Variants in STRN observed in about 807,000 individuals in gnomAD.
The protein encoded by STRN is protein phosphatase 2 regulatory subunit B'''alpha.
Under a neutral mutation model 96.3 loss-of-function variants are expected in STRN, and 53 were observed. The ratio of observed to expected loss-of-function variants is 0.55; its 90% CI spans 0.44 to 0.69. STRN has a LOEUF of 0.69. STRN is among the 30% of genes least tolerant of loss of function. The pLI is 0.00. For missense variants in STRN, 987 were observed against 963.9 expected (o/e 1.02, Z -0.32); for synonymous variants, 428 against 355.9 (o/e 1.20, Z -2.28).
intron 4 of STRN, among the ~76,000 whole-genome samples, chr2:36,904,170 G>C (rs1334840909): frequency 6.6e-6 from 1 of 152,150 alleles, no homozygotes; most frequent in East Asian, 1.9e-4. Context: ...TCATATTTAA[G>C]ATCAAAGTGT....
rs575100624 is a variant in STRN, at chr2:36,847,732, G to A, written c.*1724C>T. On this transcript the variant is annotated 3_prime_UTR_variant, in exon 18 of 18. Coordinates refer to ENST00000263918, the MANE Select transcript of STRN (RefSeq NM_003162.4). ...AATGCAGAATTCTAGAGGCAAACAG[G>A]CAGAAATTTTACAGAAATATTTGTC... The A allele has an allele frequency of 2.0e-5, 3 of 152,184 alleles. No individual in the cohort carries two copies. Among genetic ancestry groups the A allele is most frequent in the African/African-American group, 4.8e-5 (2 of 41,526 alleles). The allele number at this position is 152,184 out of a possible 1,614,324, so 9.4% of individuals were successfully genotyped here.
At chr2:36,902,784 A>T in intron 4 of STRN, 33 bp from the exon 5 acceptor site, 1 of 1,532,186 alleles carries the variant, frequency 6.5e-7, no homozygotes, top group Non-Finnish European at 8.8e-7. Context: ...GTTCAGTCAT[A>T]CTGGAATCAG....
chr2:36,891,691 T>C (rs1209059004), intron 7 of STRN, among the ~76,000 whole-genome samples: 1 of 152,208 alleles, frequency 6.6e-6, no homozygotes, highest in Non-Finnish European at 1.5e-5. Flanking sequence ...GAACATTTCC[T>C]TGAGGTAAGC....
intron 10 of STRN, among the ~76,000 whole-genome samples, chr2:36,872,623 A>T (rs1477671833): frequency 6.6e-6 from 1 of 152,244 alleles, no homozygotes; most frequent in Non-Finnish European, 1.5e-5. Flanking sequence ...CTACTTTGGG[A>T]AACCGAGCGA....
chr2:36,920,671 A>T (rs1487996988), intron 2 of STRN, among the ~76,000 whole-genome samples: 1 of 151,220 alleles, frequency 6.6e-6, no homozygotes, highest in Non-Finnish European at 1.5e-5. Context: ...AAAAGCAGGA[A>T]CTCTTTTCCA....
chr2:36,900,941 C>T (rs1669665712), intron 5 of STRN, among the ~76,000 whole-genome samples: 1 of 150,812 alleles, frequency 6.6e-6, no homozygotes, highest in South Asian at 2.1e-4. Flanking sequence ...ATTCCAATGG[C>T]CAGAACAGAA....
At position 36,876,096 on chromosome 2, in the gene STRN, C is replaced by T. The variant is rs1037254751; in HGVS notation, c.1323+1795G>A. On this transcript the variant is annotated intron_variant, in intron 10 of 17. Coordinates refer to ENST00000263918, the MANE Select transcript of STRN (RefSeq NM_003162.4). ...CCAGTCTGAGCAATATGGCGAAAGCCTGTCTCTACCAAAAATAAAGGAAAG... is the reference window on the plus strand; with the variant it reads ...CCAGTCTGAGCAATATGGCGAAAGCTTGTCTCTACCAAAAATAAAGGAAAG... 2.0e-5 allele frequency among the ~76,000 whole-genome samples: 3 copies of T among 151,986 alleles called. No homozygotes were observed. In the South Asian group the frequency reaches 6.2e-4, roughly 31 times the overall value.
At chr2:36,942,718 C>A (rs147213286) in intron 1 of STRN, among the ~76,000 whole-genome samples, 1 of 151,880 alleles carries the variant, frequency 6.6e-6, no homozygotes, top group East Asian at 1.9e-4. Context: ...TTTTTTGAGA[C>A]GGAGTCTTGC....
intron 6 of STRN, among the ~76,000 whole-genome samples, chr2:36,898,099 C>A (rs1434199225): frequency 6.6e-6 from 1 of 152,126 alleles, no homozygotes; most frequent in Non-Finnish European, 1.5e-5. Flanking sequence ...TCATATGTAA[C>A]AGTTTTAATA....
chr2:36,948,453 CATT>C (rs1380374933), intron 1 of STRN, among the ~76,000 whole-genome samples: 1 of 152,048 alleles, frequency 6.6e-6, no homozygotes, highest in Non-Finnish European at 1.5e-5. Context: ...TTTTTACTTG[CATT>C]ATTAGCCAAG....
chr2:36,868,427 A>AT (rs1221122531), intron 11 of STRN, among the ~76,000 whole-genome samples: 1 of 152,220 alleles, frequency 6.6e-6, no homozygotes, highest in Non-Finnish European at 1.5e-5. Context: ...GACTGTCCAA[A>AT]TTATCAGTTT....
In STRN at chr2:36,877,916, T is replaced by C. The variant is rs761655417; in HGVS notation, c.1298A>G (p.Asn433Ser). 1.4e-5 allele frequency: 23 copies of C among 1,614,222 alleles called. No individual in the cohort carries two copies. The highest frequency in any genetic ancestry group is 1.6e-5 in the Non-Finnish European group (19 of 1,180,032). The change falls in exon 10 of 18, where the codon AAT becomes AGT. Residue 433 changes from asparagine (N) to serine (S), a missense_variant. Physicochemically the swap from Asn to Ser is conservative, Grantham distance 46 (BLOSUM62 1). Coordinates refer to ENST00000263918, the MANE Select transcript of STRN (RefSeq NM_003162.4). ...ATCATAAGTTAGTGAGTCTGCTTCA[T>C]TGGCCACCGTAAGGCCTGCTAGTTC... is the stretch of plus-strand genomic sequence containing the variant. ...LGELAGLTVA[N>S]EADSLTYDIA...
chr2:36,965,938 C>T (rs1031768973), intron 1 of STRN, among the ~76,000 whole-genome samples: 40 of 152,162 alleles, frequency 2.6e-4, no homozygotes, highest in African/African-American at 8.9e-4. Context: ...CCCTGAGATG[C>T]AGGATGGCCA....
intron 1 of STRN, among the ~76,000 whole-genome samples, chr2:36,950,641 G>A (rs533081521): frequency 6.6e-6 from 1 of 152,240 alleles, no homozygotes; most frequent in East Asian, 1.9e-4. Flanking sequence ...TCTTCTCCAT[G>A]GTATCCCCAG....
chr2:36,861,668 C>A (rs192570544), intron 12 of STRN, among the ~76,000 whole-genome samples: 1 of 151,618 alleles, frequency 6.6e-6, no homozygotes, highest in Non-Finnish European at 1.5e-5. Flanking sequence ...TGTGCTAAAT[C>A]AAGAGAAAAG....
rs1470640283 is a variant in STRN, at chr2:36,845,070, T to G, written c.*4386A>C. The G allele has an allele frequency of 6.6e-6, 1 of 152,154 alleles. No individual in the cohort carries two copies. The highest frequency in any genetic ancestry group is 1.5e-5 in the Non-Finnish European group (1 of 68,018). 9.4% of individuals were successfully genotyped at this position (152,154 alleles called of 1,614,324 possible). Reference sequence around the variant, plus strand: ...GTAAATAAAATGAATGATTATGTACTTAATAGCCTTGTAGTCACTTTCAAA... The same window carrying G: ...GTAAATAAAATGAATGATTATGTACGTAATAGCCTTGTAGTCACTTTCAAA... On this transcript the variant is annotated 3_prime_UTR_variant, in exon 18 of 18. Transcript: ENST00000263918.
intron 2 of STRN, among the ~76,000 whole-genome samples, chr2:36,917,950 C>T (rs77172680): frequency 0.034 from 5,161 of 152,164 alleles, 154 homozygotes; most frequent in African/African-American, 0.086. Flanking sequence ...TTAGCCTATG[C>T]ATATGAATCT....
chr2:36,869,754 A>G (rs1242791406), intron 10 of STRN, 25 bp from the exon 11 acceptor site: 2 of 1,544,622 alleles, frequency 1.3e-6, no homozygotes, highest in African/African-American at 2.8e-5. Context: ...AAACAAAGAT[A>G]TCTACACACT....
intron 5 of STRN, among the ~76,000 whole-genome samples, chr2:36,900,483 A>G (rs1198172109): frequency 6.6e-6 from 1 of 152,230 alleles, no homozygotes; most frequent in African/African-American, 2.4e-5. Flanking sequence ...GCAATACACT[A>G]GTCAAATTAA....
Sources: gnomAD v4.1 joint callset for allele counts (sites outside exome capture counted in the v4.1 genomes callset) on GRCh38, gnomAD v4.1.1 for gene constraint, MANE v1.5 for transcripts, NCBI Gene and HGNC (gene_info 2026-07-23, HGNC 2026-07-21) for gene names.